The following PDXDC1 variants were observed in gnomAD, a reference collection of about 807,000 sequenced individuals.
PDXDC1 encodes pyridoxal dependent decarboxylase domain containing 1, also known as pyridoxal-dependent decarboxylase domain-containing protein 1.
PDXDC1 carries 42 observed loss-of-function variants against 100.1 expected under a neutral mutation model. The ratio of observed to expected loss-of-function variants is 0.42; its 90% CI spans 0.33 to 0.54. The LOEUF is 0.54. Among genes scored for constraint, PDXDC1 ranks in the 20% least tolerant of loss-of-function variants. The pLI is 0.10. For missense variants in PDXDC1, 636 were observed against 979.2 expected (o/e 0.65, Z 4.68); for synonymous variants, 260 against 371.7 (o/e 0.70, Z 3.46).
the PDXDC1 span, among the ~76,000 whole-genome samples, chr16:15,146,829 T>C: frequency 4.0e-5 from 6 of 151,854 alleles, no homozygotes; most frequent in Admixed American, 6.6e-5. Flanking sequence ...GTATGATTGT[T>C]GGGGCTGCCA....
chr16:15,130,326 C>T (rs1485920158), intron 16 of PDXDC1: 13 of 1,547,320 alleles, frequency 8.4e-6, no homozygotes, highest in Middle Eastern at 2.3e-4. Context: ...CCCCTCTGTC[C>T]GCCACACCAC....
At chr16:15,040,991 G>A (rs149549840), downstream of PDXDC1, 68 of 965,534 alleles carry the variant, frequency 7.0e-5, no homozygotes, top group East Asian at 1.6e-3. Context: ...CAGCAGTGGG[G>A]TCATTGGTTT....
At chr16:15,094,646 G>A (rs995096313) in intron 16 of PDXDC1, 3 of 257,524 alleles carry the variant, frequency 1.2e-5, no homozygotes, top group Non-Finnish European at 2.3e-5. Context: ...AAGGGGATTC[G>A]AACCCGGCTG....
chr16:15,031,415 G>A (rs944397030), intron 16 of PDXDC1, among the ~76,000 whole-genome samples: 1 of 152,108 alleles, frequency 6.6e-6, no homozygotes, highest in Non-Finnish European at 1.5e-5. Context: ...TTGCCTTTTT[G>A]TGCTGAACCT....
intron 16 of PDXDC1, chr16:15,130,164 G>A (rs200425461): frequency 4.2e-6 from 6 of 1,440,168 alleles, no homozygotes; most frequent in African/African-American, 2.8e-5. Flanking sequence ...GGCCCTCCTC[G>A]ACTCTGCAGA....
At chr16:15,084,676 T>C (rs1166879027) in intron 16 of PDXDC1, 2 of 1,613,110 alleles carry the variant, frequency 1.2e-6, no homozygotes, top group Non-Finnish European at 1.7e-6. Flanking sequence ...TGCAAGGCTC[T>C]GTGACATGTG....
chr16:15,057,607 G>A (rs1597840972), intron 16 of PDXDC1, among the ~76,000 whole-genome samples: 1 of 152,264 alleles, frequency 6.6e-6, no homozygotes, highest in South Asian at 2.1e-4. Context: ...GCTAAAAACA[G>A]GGTTTGAAAC....
chr16:15,149,162 GC>G, the PDXDC1 span, among the ~76,000 whole-genome samples: 1 of 152,122 alleles, frequency 6.6e-6, no homozygotes, highest in Non-Finnish European at 1.5e-5. Context: ...CCCTACCCCT[GC>G]CCCCGAGTCA....
intron 16 of PDXDC1, chr16:15,085,651 C>T: frequency 6.2e-7 from 1 of 1,613,358 alleles, no homozygotes; most frequent in South Asian, 1.1e-5. Flanking sequence ...TCATCTTCAT[C>T]ATCAGAATCT....
chr16:15,080,983 C>T (rs541676104), intron 16 of PDXDC1, among the ~76,000 whole-genome samples: 1 of 152,208 alleles, frequency 6.6e-6, no homozygotes, highest in South Asian at 2.1e-4. Flanking sequence ...GTAAACCATT[C>T]CTTTCATATC....
At chr16:15,025,427 CCCG>C (rs1331039091) in intron 13 of PDXDC1, 2 of 152,664 alleles carry the variant, frequency 1.3e-5, no homozygotes, top group African/African-American at 2.4e-5. Context: ...CCCCCTGCCG[CCCG>C]CCGCCGTACC....
intron 16 of PDXDC1, chr16:15,076,517 A>G (rs373634793): frequency 1.5e-6 from 2 of 1,323,650 alleles, no homozygotes; most frequent in South Asian, 2.3e-5. Flanking sequence ...TCCACCCTTT[A>G]TGATAAACTT....
intron 16 of PDXDC1, chr16:15,133,175 G>A: frequency 3.2e-6 from 3 of 951,844 alleles, no homozygotes; most frequent in African/African-American, 1.6e-5. Context: ...CCCGGGATAA[G>A]CCCTCCGCAA....
At chr16:15,050,171 A>G (rs2044241499) in intron 16 of PDXDC1, among the ~76,000 whole-genome samples, 1 of 152,248 alleles carries the variant, frequency 6.6e-6, no homozygotes, top group Admixed American at 6.5e-5. Flanking sequence ...TTATTTAGTA[A>G]GCTTGTAAAA....
chr16:14,994,019 A>C (rs1265552120), intron 1 of PDXDC1, among the ~76,000 whole-genome samples: 2 of 152,268 alleles, frequency 1.3e-5, no homozygotes, highest in Non-Finnish European at 2.9e-5. Flanking sequence ...GTTTGAGTTC[A>C]TTGTAGATTC....
intron 15 of PDXDC1, chr16:15,029,680 T>A (rs1269530580): frequency 3.7e-6 from 2 of 540,006 alleles, no homozygotes; most frequent in East Asian, 6.4e-5. Context: ...CAGCAGTGGG[T>A]GTCGCTTAGT....
At chr16:15,122,145 C>CA (rs2047452013) in intron 16 of PDXDC1, among the ~76,000 whole-genome samples, 1 of 152,196 alleles carries the variant, frequency 6.6e-6, no homozygotes, top group African/African-American at 2.4e-5. Context: ...GCCTGGGCGA[C>CA]AGAGTGAGAC....
downstream of PDXDC1, chr16:15,041,156 A>T (rs749948294): frequency 8.0e-7 from 1 of 1,247,474 alleles, no homozygotes; most frequent in South Asian, 1.2e-5. Context: ...ACACTTTTTA[A>T]AGAAATACCA....
intron 16 of PDXDC1, chr16:15,135,653 G>A: frequency 1.3e-6 from 2 of 1,592,420 alleles, no homozygotes; most frequent in South Asian, 1.1e-5. Flanking sequence ...ACTGACCTGT[G>A]TCGAAGCCAC....
Sources: allele counts gnomAD v4.1 joint callset (sites outside exome capture counted in the v4.1 genomes callset), GRCh38; gene constraint gnomAD v4.1.1; transcripts MANE v1.5; gene names NCBI Gene and HGNC (gene_info 2026-07-23, HGNC 2026-07-21).